Variants in TRIOBP observed in about 807,000 individuals in gnomAD.
The protein encoded by TRIOBP is TRIO and F-actin binding protein, also known as TRIO and F-actin-binding protein.
In TRIOBP, 169 loss-of-function variants were observed where a neutral mutation model predicts 238.8. The observed-to-expected ratio is 0.71, with a 90% CI of 0.62 to 0.80. TRIOBP has a LOEUF of 0.80. TRIOBP is among the 30% of genes least tolerant of loss of function. The probability of loss-of-function intolerance (pLI) is 0.00; values close to 1 mark genes in which losing one functional copy is unlikely to be tolerated. For synonymous variants in TRIOBP, 1,150 were observed against 1,274.4 expected, an observed-to-expected ratio of 0.90 and a Z score of 2.08; for missense variants, 2,838 against 3,122.6, an observed-to-expected ratio of 0.91 and a Z score of 2.17.
chr22:37,771,593 T>A (rs1163483318), intron 21 of TRIOBP, 57 bp from the exon 22 acceptor site: 1 of 1,511,668 alleles, frequency 6.6e-7, no homozygotes, highest in Non-Finnish European at 9.2e-7. Flanking sequence ...CAGGGCACTA[T>A]GGGCCAGGGT....
At chr22:37,705,566 T>C (rs1388638835) in intron 3 of TRIOBP, among the ~76,000 whole-genome samples, 1 of 151,572 alleles carries the variant, frequency 6.6e-6, no homozygotes, top group African/African-American at 2.4e-5. Flanking sequence ...TTCTGAGGTT[T>C]TTTTCTGTTT....
At chr22:37,721,111 C>T (rs141113667) in intron 6 of TRIOBP, among the ~76,000 whole-genome samples, 1,814 of 151,678 alleles carry the variant, frequency 0.012, 40 homozygotes, top group African/African-American at 0.042. Flanking sequence ...CCTTGTGATC[C>T]GCCCGCCTCG....
chr22:37,708,766 G>A (rs553683694), intron 3 of TRIOBP, among the ~76,000 whole-genome samples: 17 of 152,204 alleles, frequency 1.1e-4, no homozygotes, highest in Admixed American at 4.6e-4. Flanking sequence ...GTCACCAGCC[G>A]GGAACCGGAG....
intron 3 of TRIOBP, among the ~76,000 whole-genome samples, chr22:37,704,673 T>A (rs1428166361): frequency 1.3e-4 from 19 of 149,096 alleles, no homozygotes; most frequent in Non-Finnish European, 1.8e-4. Flanking sequence ...AAAAAAAAAA[T>A]GACATTTCAG....
intron 6 of TRIOBP, among the ~76,000 whole-genome samples, chr22:37,716,618 C>T (rs1232236269): frequency 6.6e-6 from 1 of 151,912 alleles, no homozygotes; most frequent in Non-Finnish European, 1.5e-5. Flanking sequence ...TTAGTAGAGA[C>T]AGGGTTTCAC....
intron 4 of TRIOBP, among the ~76,000 whole-genome samples, chr22:37,712,158 C>A (rs568063075): frequency 1.3e-5 from 2 of 151,834 alleles, no homozygotes; most frequent in African/African-American, 4.8e-5. Flanking sequence ...CTCTGAGCCT[C>A]AGTGTCTTCC....
chr22:37,721,980 A>T (rs536502033), intron 6 of TRIOBP, among the ~76,000 whole-genome samples: 3 of 152,174 alleles, frequency 2.0e-5, no homozygotes, highest in Non-Finnish European at 4.4e-5. Flanking sequence ...GGACAGTTAC[A>T]TTAATCCTTT....
chr22:37,756,777 C>T (rs548795174), intron 15 of TRIOBP, among the ~76,000 whole-genome samples: 11 of 147,864 alleles, frequency 7.4e-5, no homozygotes, highest in East Asian at 5.8e-4. Flanking sequence ...AGGGTGACCA[C>T]GTACCCAGCT....
intron 17 of TRIOBP, among the ~76,000 whole-genome samples, chr22:37,762,191 C>T (rs1205390659): frequency 6.6e-6 from 1 of 152,150 alleles, no homozygotes; most frequent in Non-Finnish European, 1.5e-5. Context: ...CCTCAGCCTC[C>T]TGAGTAGGAA....
intron 22 of TRIOBP, 87 bp downstream of exon 22, chr22:37,771,823 C>T (rs1269613806): frequency 3.4e-6 from 4 of 1,182,854 alleles, no homozygotes; most frequent in African/African-American, 3.0e-5. Flanking sequence ...GTGCCAAGCC[C>T]TCCACTCGCT....
At chr22:37,757,479 C>G in intron 15 of TRIOBP, 134 bp from the exon 16 acceptor site, 1 of 1,231,744 alleles carries the variant, frequency 8.1e-7, no homozygotes, top group Admixed American at 2.0e-5. Flanking sequence ...AAGCTCAGGT[C>G]GGGCTGCTTC....
At chr22:37,710,693 C>A in intron 4 of TRIOBP, 127 bp downstream of exon 4, 1 of 1,327,006 alleles carries the variant, frequency 7.5e-7, no homozygotes. Context: ...CGTGGTCAGT[C>A]CTCTAAACCT....
intron 12 of TRIOBP, 100 bp from the exon 13 acceptor site, chr22:37,754,777 C>A: frequency 1.6e-6 from 2 of 1,254,060 alleles, no homozygotes; most frequent in Non-Finnish European, 2.3e-6. Flanking sequence ...GCATTTTCCG[C>A]CTCCCCACCC....
At chr22:37,702,062 C>A (rs1922680128) in intron 3 of TRIOBP, among the ~76,000 whole-genome samples, 2 of 151,996 alleles carry the variant, frequency 1.3e-5, no homozygotes, top group Non-Finnish European at 1.5e-5. Flanking sequence ...GAGATCGCGC[C>A]ATTGCACTCC....
At chr22:37,697,326 C>T (rs144220587) in intron 1 of TRIOBP, among the ~76,000 whole-genome samples, 2 of 152,212 alleles carry the variant, frequency 1.3e-5, no homozygotes, top group Admixed American at 6.5e-5. Flanking sequence ...ACGGGAGCAG[C>T]GAGGGGCACG....
intron 17 of TRIOBP, among the ~76,000 whole-genome samples, chr22:37,764,852 C>A (rs1926405461): frequency 6.6e-6 from 1 of 152,220 alleles, no homozygotes; most frequent in African/African-American, 2.4e-5. Flanking sequence ...CAGATGTTCT[C>A]AGTCTTCAGG....
intron 15 of TRIOBP, among the ~76,000 whole-genome samples, chr22:37,756,751 G>A (rs1339326279): frequency 2.6e-5 from 4 of 152,100 alleles, no homozygotes; most frequent in African/African-American, 7.3e-5. Flanking sequence ...GGAATACTGC[G>A]AGTGTAGTTT....
At chr22:37,740,645 C>T (rs945838088) in intron 10 of TRIOBP, among the ~76,000 whole-genome samples, 2 of 152,224 alleles carry the variant, frequency 1.3e-5, no homozygotes, top group East Asian at 1.9e-4. Context: ...AGCTGGCGCC[C>T]GTGGTTTGAC....
At chr22:37,738,527 T>C in intron 9 of TRIOBP, 115 bp from the exon 10 acceptor site, 1 of 961,258 alleles carries the variant, frequency 1.0e-6, no homozygotes, top group East Asian at 2.7e-5. Flanking sequence ...CTACTGATGC[T>C]GGACGTTAGA....
Sources: gnomAD v4.1 joint callset for allele counts (sites outside exome capture counted in the v4.1 genomes callset) on GRCh38, gnomAD v4.1.1 for gene constraint, MANE v1.5 for transcripts, NCBI Gene and HGNC (gene_info 2026-07-23, HGNC 2026-07-21) for gene names.